The following PDPR variants were observed in gnomAD, a reference collection of about 807,000 sequenced individuals.
The protein encoded by PDPR is pyruvate dehydrogenase phosphatase regulatory subunit, also known as pyruvate dehydrogenase phosphatase regulatory subunit, mitochondrial.
In PDPR, 50 loss-of-function variants were observed where a neutral mutation model predicts 102.2. That is an observed-to-expected ratio of 0.49 (90% CI 0.39 to 0.62). The LOEUF (loss-of-function observed/expected upper bound fraction) is 0.62, where lower values mean the gene tolerates loss of function less well. Ranked by LOEUF, PDPR falls within the 20% of genes least tolerant of loss-of-function variation. PDPR has a pLI of 0.00. For missense variants in PDPR, 625 were observed against 1,098.2 expected, an observed-to-expected ratio of 0.57 and a Z score of 6.09; for synonymous variants, 259 against 406.0, an observed-to-expected ratio of 0.64 and a Z score of 4.35.
chr16:70,149,422 C>T (rs1310291053), intron 17 of PDPR, among the ~76,000 whole-genome samples: 8 of 152,190 alleles, frequency 5.3e-5, no homozygotes, highest in East Asian at 3.9e-4. Context: ...CACGCCACCA[C>T]GCCTGGCTAA....
intron 10 of PDPR, among the ~76,000 whole-genome samples, chr16:70,136,666 A>G (rs1307456063): frequency 6.6e-6 from 1 of 152,196 alleles, no homozygotes; most frequent in East Asian, 1.9e-4. Flanking sequence ...AGTTATAACA[A>G]ATATTGGTCA....
intron 8 of PDPR, 107 bp downstream of exon 8, chr16:70,131,526 A>T: frequency 8.0e-7 from 1 of 1,243,142 alleles, no homozygotes; most frequent in South Asian, 1.4e-5. Flanking sequence ...AGAGTCTTTC[A>T]TTTCTAGAGC....
In PDPR at chr16:70,157,904, T is replaced by A. The variant is rs1967394615; in HGVS notation, c.*1025T>A. On this transcript the variant is annotated 3_prime_UTR_variant, in exon 19 of 19. Coordinates refer to ENST00000288050, the MANE Select transcript of PDPR (RefSeq NM_017990.5). Reference sequence around the variant, plus strand: ...CCTTTAGAATAGGGAGGGGAAGGGATCAGGTGTGTTGTCCTGGGCCTTTCA... The same window carrying A: ...CCTTTAGAATAGGGAGGGGAAGGGAACAGGTGTGTTGTCCTGGGCCTTTCA... The A allele has an allele frequency of 6.5e-6, 1 of 154,692 alleles. No homozygotes were observed. Among genetic ancestry groups the A allele is most frequent in the Non-Finnish European group, 1.4e-5 (1 of 69,652 alleles). 9.6% of individuals were successfully genotyped at this position (154,692 alleles called of 1,614,324 possible). A position where few individuals can be genotyped will look rare whatever the true frequency, so the allele number is the denominator to read the frequency against.
At chr16:70,132,553 T>G (rs1482584879) in intron 9 of PDPR, among the ~76,000 whole-genome samples, 1 of 152,256 alleles carries the variant, frequency 6.6e-6, no homozygotes, top group Non-Finnish European at 1.5e-5. Context: ...CTTTTTTTTT[T>G]TTATTTCTTG....
chr16:70,141,473 A>G (rs1965706161), intron 11 of PDPR, among the ~76,000 whole-genome samples: 1 of 152,282 alleles, frequency 6.6e-6, no homozygotes, highest in Non-Finnish European at 1.5e-5. Context: ...TCACTTCAGA[A>G]GTGAGTTAAT....
intron 11 of PDPR, among the ~76,000 whole-genome samples, chr16:70,139,590 C>G (rs1442117678): frequency 6.6e-6 from 1 of 152,286 alleles, no homozygotes. Flanking sequence ...TTCCTGCTCT[C>G]ACTCCCGTGT....
intron 3 of PDPR, among the ~76,000 whole-genome samples, chr16:70,127,040 T>C (rs1192225594): frequency 2.6e-5 from 4 of 152,226 alleles, no homozygotes; most frequent in Non-Finnish European, 5.9e-5. Context: ...TAGAGATGGG[T>C]TCTCCCTGTG....
chr16:70,139,386 A>G (rs573011327), intron 11 of PDPR, among the ~76,000 whole-genome samples: 794 of 152,030 alleles, frequency 5.2e-3, no homozygotes, highest in African/African-American at 0.018. Context: ...CCTGTGTCGA[A>G]GTGAATGCTT....
At chr16:70,140,811 T>C (rs1456661575) in intron 11 of PDPR, among the ~76,000 whole-genome samples, 1 of 151,858 alleles carries the variant, frequency 6.6e-6, no homozygotes, top group Non-Finnish European at 1.5e-5. Flanking sequence ...AGGGATTCCA[T>C]CTCAACAAAA....
At chr16:70,141,077 A>G (rs1324835495) in intron 11 of PDPR, among the ~76,000 whole-genome samples, 3 of 151,776 alleles carry the variant, frequency 2.0e-5, no homozygotes, top group Non-Finnish European at 2.9e-5. Flanking sequence ...TTTTTCCGAG[A>G]CAGTCTTGCT....
rs1401953360 is a variant in PDPR, at chr16:70,161,762, TCTTGA to T, written c.*4887_*4891del. 11 of 152,600 alleles carry T rather than the reference TCTTGA, an allele frequency of 7.2e-5. No homozygotes were observed. The highest frequency in any genetic ancestry group is 4.1e-4 in the South Asian group (2 of 4,834). The allele number at this position is 152,600 out of a possible 1,614,324, so 9.5% of individuals were successfully genotyped here. A position where few individuals can be genotyped will look rare whatever the true frequency, so the allele number is the denominator to read the frequency against. On this transcript the variant is annotated 3_prime_UTR_variant, in exon 19 of 19. Transcript: ENST00000288050. ...TGAAACATGAAGAGTTGTTTATGGT[TCTTGA>T]CTTCTCTGAGCAGAGTGTCTGCATC... is the stretch of plus-strand genomic sequence containing the variant.
Position 70,156,522 on chromosome 16 carries a change from T to G in PDPR, c.2283T>G (p.Asn761Lys). 6.2e-7 allele frequency: 1 copy of G among 1,614,020 alleles called. No individual in the cohort carries two copies. Residue 761 changes from asparagine (N) to lysine (K), a missense_variant, in exon 19 of 19, where the codon AAT becomes AAG. Asn to Lys is a moderately conservative substitution (Grantham distance 94, BLOSUM62 0). Coordinates refer to ENST00000288050, the MANE Select transcript of PDPR (RefSeq NM_017990.5). ...GRDALLQQKQ[N>K]GVYKRLTMFI... ...ACGCCCTCCTGCAGCAGAAGCAGAA[T>G]GGAGTGTATAAACGCCTCACCATGT...
At chr16:70,130,574 T>C (rs765464061) in intron 7 of PDPR, 30 bp downstream of exon 7, 4 of 1,612,396 alleles carry the variant, frequency 2.5e-6, no homozygotes, top group South Asian at 2.2e-5. Context: ...GCTGTTCTTA[T>C]TTAACGTTTG....
intron 15 of PDPR, among the ~76,000 whole-genome samples, chr16:70,144,815 C>T (rs866076476): frequency 2.6e-5 from 4 of 152,206 alleles, no homozygotes; most frequent in Admixed American, 6.5e-5. Flanking sequence ...ATTAGCTGGG[C>T]GTGGTGGCAC....
chr16:70,137,720 C>G (rs1446372050), intron 10 of PDPR, among the ~76,000 whole-genome samples: 1 of 152,248 alleles, frequency 6.6e-6, no homozygotes, highest in Non-Finnish European at 1.5e-5. Context: ...TGTAGAATGG[C>G]TCTGAAAACA....
chr16:70,141,013 CT>C (rs1053898382), intron 11 of PDPR, among the ~76,000 whole-genome samples: 1 of 152,182 alleles, frequency 6.6e-6, no homozygotes, highest in Non-Finnish European at 1.5e-5. Context: ...ACTCTTCTGG[CT>C]TTTTTTACTT....
intron 10 of PDPR, among the ~76,000 whole-genome samples, chr16:70,136,734 C>T (rs1177900790): frequency 6.6e-6 from 1 of 152,162 alleles, no homozygotes; most frequent in African/African-American, 2.4e-5. Flanking sequence ...GGTATTTGAA[C>T]TAGGTAATAC....
At chr16:70,131,883 T>C in intron 8 of PDPR, 1 of 1,450,382 alleles carries the variant, frequency 6.9e-7, no homozygotes, top group Non-Finnish European at 9.1e-7. Context: ...AGTTACGTGG[T>C]TTGCTTGTGG....
rs139756760 is a variant in PDPR at position 70,124,903 on chromosome 16, C to T, written c.228-2357C>T. 1.6e-4 allele frequency among the ~76,000 whole-genome samples: 25 copies of T among 152,378 alleles called. 1 individual carries two copies. The highest frequency in any genetic ancestry group is 5.1e-4 in the African/African-American group (21 of 41,576). The stretch of plus-strand genomic sequence containing the variant: ...GTGATAAATAATTTGGGGAAAATGA[C>T]CTTAGAACCCCCCACCTGCTTTCTT... On this transcript the variant is annotated intron_variant, in intron 3 of 18. Coordinates refer to ENST00000288050, the MANE Select transcript of PDPR (RefSeq NM_017990.5).
Sources: allele counts gnomAD v4.1 joint callset (sites outside exome capture counted in the v4.1 genomes callset), GRCh38; gene constraint gnomAD v4.1.1; transcripts MANE v1.5; gene names NCBI Gene and HGNC (gene_info 2026-07-23, HGNC 2026-07-21).